MRPL42: variants seen among roughly 807,000 people sequenced by gnomAD.
The protein encoded by MRPL42 is mitochondrial ribosomal protein L42.
In MRPL42, 17 loss-of-function variants were observed where a neutral mutation model predicts 17.9. The ratio of observed to expected loss-of-function variants is 0.95; its 90% CI spans 0.65 to 1.42. The LOEUF (loss-of-function observed/expected upper bound fraction) is 1.42, where lower values mean the gene tolerates loss of function less well. Among genes scored for constraint, MRPL42 ranks in the 40% most tolerant of loss-of-function variants. MRPL42 has a pLI of 0.00. For synonymous variants in MRPL42, 59 were observed against 54.4 expected, an observed-to-expected ratio of 1.08 and a Z score of -0.37; for missense variants, 177 against 175.2, an observed-to-expected ratio of 1.01 and a Z score of -0.06.
intron 4 of MRPL42, among the ~76,000 whole-genome samples, chr12:93,484,370 A>G (rs1247936917): frequency 2.6e-5 from 4 of 151,978 alleles, no homozygotes; most frequent in African/African-American, 4.8e-5. Context: ...GCCGTTATTT[A>G]TTATTATTAT....
chr12:93,471,965 C>T (rs1879931361), intron 2 of MRPL42, among the ~76,000 whole-genome samples: 1 of 152,140 alleles, frequency 6.6e-6, no homozygotes, highest in South Asian at 2.1e-4. Flanking sequence ...AACAATTAGT[C>T]CTCACACAGG....
chr12:93,474,297 AT>A (rs1351180319), intron 2 of MRPL42, among the ~76,000 whole-genome samples: 2 of 151,076 alleles, frequency 1.3e-5, no homozygotes, highest in Middle Eastern at 3.4e-3. Flanking sequence ...TTTATTATTA[AT>A]TTTTTTTTAA....
chr12:93,473,991 G>A (rs984222609), intron 2 of MRPL42, among the ~76,000 whole-genome samples: 1 of 151,334 alleles, frequency 6.6e-6, no homozygotes, highest in Non-Finnish European at 1.5e-5. Context: ...TGGCCTTAAG[G>A]AACTTATTTA....
rs1166339806 is a variant in MRPL42, at chr12:93,507,096, C to G, written c.*5875C>G. On this transcript the variant is annotated 3_prime_UTR_variant, in exon 6 of 6. Coordinates refer to ENST00000549982, the MANE Select transcript of MRPL42 (RefSeq NM_014050.4). ...GCATATACATACTGATGAAATGTGC[C>G]TTTAGCAATAGATGTGTCCAGTGAT... The G allele has an allele frequency of 6.6e-6, 1 of 152,158 alleles. No individual in the cohort carries two copies. Among genetic ancestry groups the G allele is most frequent in the Non-Finnish European group, 1.5e-5 (1 of 68,040 alleles). 9.4% of individuals were successfully genotyped at this position (152,158 alleles called of 1,614,324 possible). A position where few individuals can be genotyped will look rare whatever the true frequency, so the allele number is the denominator to read the frequency against.
At position 93,502,805 on chromosome 12, in the gene MRPL42, G is replaced by A. The variant is rs796488812; in HGVS notation, c.*1584G>A. 4 of 152,262 alleles carry A rather than the reference G, an allele frequency of 2.6e-5. No individual in the cohort carries two copies. Among genetic ancestry groups the A allele is most frequent in the Admixed American group, 6.5e-5 (1 of 15,292 alleles). 9.4% of individuals were successfully genotyped at this position (152,262 alleles called of 1,614,324 possible). On this transcript the variant is annotated 3_prime_UTR_variant, in exon 6 of 6. Coordinates refer to ENST00000549982, the MANE Select transcript of MRPL42 (RefSeq NM_014050.4). ...GATTATGAAGATTTTCTTCTCTTCC[G>A]AGTACAAAGCTCTGCTAAATAAGGA...
In MRPL42 at chr12:93,513,651, A is replaced by G. The variant is rs1026637091; in HGVS notation, c.*12430A>G. On this transcript the variant is annotated 3_prime_UTR_variant, in exon 6 of 6. Coordinates refer to ENST00000549982, the MANE Select transcript of MRPL42 (RefSeq NM_014050.4). ...ATCTTAAATTCACATTTTCAGTGAAAGTTTTTAAATAATTTTTTCTCTTTC... is the reference window on the plus strand; with the variant it reads ...ATCTTAAATTCACATTTTCAGTGAAGGTTTTTAAATAATTTTTTCTCTTTC... The G allele has an allele frequency of 3.9e-5, 6 of 152,154 alleles. No individual in the cohort carries two copies. The highest frequency in any genetic ancestry group is 7.3e-5 in the Non-Finnish European group (5 of 68,028). The allele number at this position is 152,154 out of a possible 1,614,324, so 9.4% of individuals were successfully genotyped here. A position where few individuals can be genotyped will look rare whatever the true frequency, so the allele number is the denominator to read the frequency against.
intron 2 of MRPL42, among the ~76,000 whole-genome samples, chr12:93,475,936 G>A (rs1412821674): frequency 2.0e-5 from 3 of 151,898 alleles, no homozygotes; most frequent in East Asian, 1.9e-4. Flanking sequence ...AGCAGAGATC[G>A]CACCACTGCA....
chr12:93,487,161 T>TC (rs1449007547), intron 4 of MRPL42, among the ~76,000 whole-genome samples: 4 of 151,822 alleles, frequency 2.6e-5, no homozygotes, highest in African/African-American at 9.7e-5. Flanking sequence ...GACCATGTTG[T>TC]CCAAGCTGGT....
intron 5 of MRPL42, among the ~76,000 whole-genome samples, chr12:93,496,560 A>G (rs1953509159): frequency 6.6e-6 from 1 of 150,514 alleles, no homozygotes; most frequent in Admixed American, 6.6e-5. Context: ...GCAGAGGAAG[A>G]GTAAAAGTGC....
chr12:93,472,031 T>C (rs1040597673), intron 2 of MRPL42, among the ~76,000 whole-genome samples: 32 of 152,300 alleles, frequency 2.1e-4, no homozygotes, highest in African/African-American at 7.5e-4. Flanking sequence ...TTTATATATC[T>C]TTTTCCCCAC....
chr12:93,471,550 C>T (rs750491843), intron 2 of MRPL42, among the ~76,000 whole-genome samples: 94 of 152,134 alleles, frequency 6.2e-4, no homozygotes, highest in Non-Finnish European at 1.1e-3. Flanking sequence ...ATCTGCCCAC[C>T]TCAGCCTCCG....
chr12:93,468,540 A>G (rs1879749439), intron 1 of MRPL42, among the ~76,000 whole-genome samples: 1 of 152,182 alleles, frequency 6.6e-6, no homozygotes, highest in Non-Finnish European at 1.5e-5. Context: ...TTTCTTCATG[A>G]ATCAGAATAA....
intron 2 of MRPL42, among the ~76,000 whole-genome samples, chr12:93,472,485 G>A (rs949279627): frequency 2.0e-5 from 3 of 152,150 alleles, no homozygotes; most frequent in Admixed American, 6.5e-5. Context: ...TTACTCAGGA[G>A]GCTGAGGTAG....
chr12:93,485,188 G>A (rs1172088458), intron 4 of MRPL42, among the ~76,000 whole-genome samples: 2 of 140,608 alleles, frequency 1.4e-5, no homozygotes, highest in Non-Finnish European at 3.1e-5. Context: ...ATTGACACAG[G>A]GTCTGTCTGT....
At position 93,509,476 on chromosome 12, in the gene MRPL42, A is replaced by G. The variant is rs1014126020; in HGVS notation, c.*8255A>G. 2 of 151,900 alleles carry G rather than the reference A, an allele frequency of 1.3e-5. No homozygotes were observed. The highest frequency in any genetic ancestry group is 2.4e-5 in the African/African-American group (1 of 41,336). The allele number at this position is 151,900 out of a possible 1,614,324, so 9.4% of individuals were successfully genotyped here. A position where few individuals can be genotyped will look rare whatever the true frequency, so the allele number is the denominator to read the frequency against. On this transcript the variant is annotated 3_prime_UTR_variant, in exon 6 of 6. Coordinates refer to ENST00000549982, the MANE Select transcript of MRPL42 (RefSeq NM_014050.4). ...TCTTTTTTTTTTCTTAGCACTTAAA[A>G]AAGACTTTTTGCCAGGCACAGTGGC...
chr12:93,506,512 G>C lies in MRPL42; in HGVS notation c.*5291G>C, dbSNP rs1953672343. 6.6e-6 allele frequency: 1 copy of C among 152,060 alleles called. No individual in the cohort carries two copies. 9.4% of individuals were successfully genotyped at this position (152,060 alleles called of 1,614,324 possible). ...ACTCCTGACCTCAGGTGATCCACCTGCTTTCGCCTCCTGAAGTGCTGGGAT... is the reference window on the plus strand; with the variant it reads ...ACTCCTGACCTCAGGTGATCCACCTCCTTTCGCCTCCTGAAGTGCTGGGAT... On this transcript the variant is annotated 3_prime_UTR_variant, in exon 6 of 6. Coordinates refer to ENST00000549982, the MANE Select transcript of MRPL42 (RefSeq NM_014050.4).
chr12:93,510,837 A>G lies in MRPL42; in HGVS notation c.*9616A>G, dbSNP rs1953719318. The G allele has an allele frequency of 6.6e-6, 1 of 152,210 alleles. No homozygotes were observed. Among genetic ancestry groups the G allele is most frequent in the East Asian group, 1.9e-4 (1 of 5,200 alleles). The allele number at this position is 152,210 out of a possible 1,614,324, so 9.4% of individuals were successfully genotyped here. ...GATAAATCTTTTGTCAGATATATGC[A>G]CTGGAAATATTTTTATGGGGGACCA... On this transcript the variant is annotated 3_prime_UTR_variant, in exon 6 of 6. Transcript: ENST00000549982.
In MRPL42 at chr12:93,515,403, G is replaced by A. The variant is rs1013396936; in HGVS notation, c.*14182G>A. The A allele has an allele frequency of 2.1e-5, 3 of 145,908 alleles. No individual in the cohort carries two copies. Among genetic ancestry groups the A allele is most frequent in the African/African-American group, 7.6e-5 (3 of 39,456 alleles). The allele number at this position is 145,908 out of a possible 1,614,324, so 9.0% of individuals were successfully genotyped here. A position where few individuals can be genotyped will look rare whatever the true frequency, so the allele number is the denominator to read the frequency against. ...TTTTTTTTTGAGACAGAGACTTGCT[G>A]TGTTGCCCAGGCTGGAGTGCAGTGG... On this transcript the variant is annotated 3_prime_UTR_variant, in exon 6 of 6. Transcript: ENST00000549982.
At position 93,502,779 on chromosome 12, in the gene MRPL42, T is replaced by A. The variant is rs908635948; in HGVS notation, c.*1558T>A. The stretch of plus-strand genomic sequence containing the variant: ...TAGAAAGAAGTGAAAAATCAAAATA[T>A]GATTATGAAGATTTTCTTCTCTTCC... On this transcript the variant is annotated 3_prime_UTR_variant, in exon 6 of 6. Transcript: ENST00000549982. The A allele has an allele frequency of 6.6e-6, 1 of 152,198 alleles. No homozygotes were observed. Among genetic ancestry groups the A allele is most frequent in the Admixed American group, 6.5e-5 (1 of 15,274 alleles). The allele number at this position is 152,198 out of a possible 1,614,324, so 9.4% of individuals were successfully genotyped here. A position where few individuals can be genotyped will look rare whatever the true frequency, so the allele number is the denominator to read the frequency against.
Sources: gnomAD v4.1 joint callset for allele counts (sites outside exome capture counted in the v4.1 genomes callset) on GRCh38, gnomAD v4.1.1 for gene constraint, MANE v1.5 for transcripts, NCBI Gene and HGNC (gene_info 2026-07-23, HGNC 2026-07-21) for gene names.